SELPLG: variants seen among roughly 807,000 people sequenced by gnomAD.
SELPLG encodes selectin P ligand, also known as P-selectin glycoprotein ligand 1.
In SELPLG, 2 loss-of-function variants were observed where a neutral mutation model predicts 1.1. That is an observed-to-expected ratio of 1.82 (90% CI 0.74 to 5.71). The LOEUF (loss-of-function observed/expected upper bound fraction) is 5.71. Ranked by LOEUF, SELPLG falls within the 30% of genes most tolerant of loss-of-function variation. The probability of loss-of-function intolerance (pLI) is 0.05; values close to 1 mark genes in which losing one functional copy is unlikely to be tolerated. For missense variants in SELPLG, 478 were observed against 524.7 expected, an observed-to-expected ratio of 0.91 and a Z score of 0.87; for synonymous variants, 230 against 221.2, an observed-to-expected ratio of 1.04 and a Z score of -0.35.
Position 108,622,948 on chromosome 12 carries a change from G to T in SELPLG, c.*121C>A. On this transcript the variant is annotated 3_prime_UTR_variant, in exon 2 of 2. Transcript: ENST00000550948. ...GGGTGGCCAGAGTTCCTTCCCTGAAGATCCCCATCCCCAGGGGTCTCCGAG... is the reference window on the plus strand; with the variant it reads ...GGGTGGCCAGAGTTCCTTCCCTGAATATCCCCATCCCCAGGGGTCTCCGAG... 9.2e-7 allele frequency: 1 copy of T among 1,086,300 alleles called. No homozygotes were observed. The highest frequency in any genetic ancestry group is 1.3e-6 in the Non-Finnish European group (1 of 794,264). 67.3% of individuals were successfully genotyped at this position (1,086,300 alleles called of 1,614,324 possible).
Position 108,623,828 on chromosome 12 carries a change from C to G in SELPLG, c.480G>C (p.Glu160Asp), listed in dbSNP as rs1247082527. 4 of 1,585,942 alleles carry G rather than the reference C, an allele frequency of 2.5e-6. No homozygotes were observed. In the African/African-American group the frequency reaches 5.4e-5, roughly 21 times the overall value. ...EAQTTRLTAT[E>D]AQTTPLAATE... ...TGGCTGCCAGTGGAGTGGTCTGTGC[C>G]TCCGTGGCCGTCAGTCGAGTTGTCT... The change falls in exon 2 of 2, where the codon GAG becomes GAC. Residue 160 changes from glutamate to aspartate, a missense_variant. By Grantham distance (45) the Glu-to-Asp change is conservative (BLOSUM62 2). Transcript: ENST00000550948.
chr12:108,633,512 GA>G (rs1339262398), intron 1 of SELPLG, among the ~76,000 whole-genome samples: 2 of 151,190 alleles, frequency 1.3e-5, no homozygotes, highest in African/African-American at 2.4e-5. Flanking sequence ...AAAAAAGAAG[GA>G]AAAAAAAAGT....
At chr12:108,630,367 G>A (rs541746468) in intron 1 of SELPLG, among the ~76,000 whole-genome samples, 13 of 152,346 alleles carry the variant, frequency 8.5e-5, no homozygotes, top group South Asian at 2.1e-4. Flanking sequence ...GCTCCACGCC[G>A]CTAGGAACCT....
In SELPLG at chr12:108,623,696, A is replaced by G. The variant is rs761367170; in HGVS notation, c.612T>C (p.Thr204=). 3.8e-6 allele frequency: 6 copies of G among 1,583,336 alleles called. 1 individual carries two copies. In the Middle Eastern group the frequency reaches 5.0e-4, roughly 132 times the overall value. ...TAPAAMEAQT[T]APAAMEAQTT... ...TCTGTGCTTCCATGGCTGCTGGTGC[A>G]GTGGTCTGTGCCTCCATGGCTGCTG... Residue 204 remains threonine, a synonymous_variant, in exon 2 of 2, where the codon ACT becomes ACC. Transcript: ENST00000550948.
rs2136761167 is a variant in SELPLG, at chr12:108,623,750, G to T, written c.558C>A (p.Pro186=). 6.2e-7 allele frequency: 1 copy of T among 1,609,220 alleles called. No individual in the cohort carries two copies. The highest frequency in any genetic ancestry group is 8.5e-7 in the Non-Finnish European group (1 of 1,178,960). The part of the protein sequence containing the change: ...PAATEAQTTQ[P]TGLEAQTTAP... ...CAGTGGTCTGTGCCTCCAGGCCTGTGGGTTGAGTGGTCTGTGCTTCCGTGG... is the reference window on the plus strand; with the variant it reads ...CAGTGGTCTGTGCCTCCAGGCCTGTTGGTTGAGTGGTCTGTGCTTCCGTGG... Residue 186 remains proline (P), a synonymous_variant, in exon 2 of 2, where the codon CCC becomes CCA. Coordinates refer to ENST00000550948, the MANE Select transcript of SELPLG (RefSeq NM_003006.4).
rs762476163 is a variant in SELPLG at position 108,624,185 on chromosome 12, TCTCCG to T, written c.118_122del (p.Arg40ThrfsTer6). The T allele has an allele frequency of 1.2e-5, 20 of 1,614,082 alleles. No homozygotes were observed. Among genetic ancestry groups the T allele is most frequent in the Non-Finnish European group, 1.7e-5 (20 of 1,180,036 alleles). ...CTAGGTACTCATATTCGGTGGCCTG[TCTCCG>T]GTCCCGGGCAAGCAGGGGACCCAAG... On this transcript the variant is annotated frameshift_variant, in exon 2 of 2. Transcript: ENST00000550948. LOFTEE classifies it low-confidence loss of function (END_TRUNC).
chr12:108,632,884 T>C (rs1453378926), intron 1 of SELPLG, among the ~76,000 whole-genome samples: 1 of 152,168 alleles, frequency 6.6e-6, no homozygotes, highest in East Asian at 1.9e-4. Flanking sequence ...ATTCTAATAT[T>C]TTAATAGTTT....
At position 108,623,454 on chromosome 12, in the gene SELPLG, G is replaced by A. The variant is rs1251755360; in HGVS notation, c.854C>T (p.Pro285Leu). Residue 285 changes from proline to leucine, a missense_variant, in exon 2 of 2, where the codon CCC becomes CTC. Coordinates refer to ENST00000550948, the MANE Select transcript of SELPLG (RefSeq NM_003006.4). ...EPTTKRGLFI[P>L]FSVSSVTHKG... ...GTGAGTAACAGAGGACACAGAAAAG[G>A]GTATGAACAGACCTCTTTTGGTAGT... The A allele has an allele frequency of 1.9e-6, 3 of 1,614,110 alleles. No homozygotes were observed. The African/African-American group carries it at 4.0e-5, about 22-fold the overall frequency.
Position 108,623,956 on chromosome 12 carries a change from C to A in SELPLG, c.352G>T (p.Ala118Ser). The change falls in exon 2 of 2, where the codon GCT becomes TCT. Residue 118 changes from alanine (A) to serine (S), a missense_variant. Ala to Ser is a moderately conservative substitution (Grantham distance 99, BLOSUM62 1). Coordinates refer to ENST00000550948, the MANE Select transcript of SELPLG (RefSeq NM_003006.4). ...GGTTGAGTGGTCTGTATCTCCATAG[C>A]TGCTGAATCCGTGGACAGGTTCCCC... ...NMGNLSTDSA[A>S]MEIQTTQPAA... 1 of 1,614,182 alleles carries A rather than the reference C, an allele frequency of 6.2e-7. No individual in the cohort carries two copies. Among genetic ancestry groups the A allele is most frequent in the Non-Finnish European group, 8.5e-7 (1 of 1,180,038 alleles).
chr12:108,624,226 C>A lies in SELPLG; in HGVS notation c.82G>T (p.Ala28Ser). 6.2e-7 allele frequency: 1 copy of A among 1,614,232 alleles called. No individual in the cohort carries two copies. Among genetic ancestry groups the A allele is most frequent in the Non-Finnish European group, 8.5e-7 (1 of 1,180,040 alleles). ...LQLWDTWADE[A>S]EKALGPLLAR... Reference sequence around the variant, plus strand: ...AGCAGGGGACCCAAGGCTTTCTCGGCTTCATCTGCCCAGGTGTCCCACAGC... The same window carrying A: ...AGCAGGGGACCCAAGGCTTTCTCGGATTCATCTGCCCAGGTGTCCCACAGC... Residue 28 changes from alanine (A) to serine (S), a missense_variant, in exon 2 of 2, where the codon GCC becomes TCC. Transcript: ENST00000550948.
In SELPLG at chr12:108,623,017, C is replaced by A; in HGVS notation, c.*52G>T. 6.9e-7 allele frequency: 1 copy of A among 1,448,670 alleles called. No homozygotes were observed. 89.7% of individuals were successfully genotyped at this position (1,448,670 alleles called of 1,614,324 possible). A position where few individuals can be genotyped will look rare whatever the true frequency, so the allele number is the denominator to read the frequency against. Reference sequence around the variant, plus strand: ...ATGGGGTCTGGGCACTCAGGGGTGGCCCAGGAGAGCCCGTGGAGGTGGGGT... The same window carrying A: ...ATGGGGTCTGGGCACTCAGGGGTGGACCAGGAGAGCCCGTGGAGGTGGGGT... On this transcript the variant is annotated 3_prime_UTR_variant, in exon 2 of 2. Coordinates refer to ENST00000550948, the MANE Select transcript of SELPLG (RefSeq NM_003006.4).
intron 1 of SELPLG, among the ~76,000 whole-genome samples, chr12:108,631,240 T>C (rs1407047745): frequency 6.6e-6 from 1 of 152,208 alleles, no homozygotes; most frequent in Non-Finnish European, 1.5e-5. Context: ...TTCCCACTTA[T>C]CATCGCCCTT....
chr12:108,623,324 C>T lies in SELPLG; in HGVS notation c.984G>A (p.Ala328=), dbSNP rs369977851. 13 of 1,614,078 alleles carry T rather than the reference C, an allele frequency of 8.1e-6. No homozygotes were observed. The East Asian group carries it at 1.1e-4, about 14-fold the overall frequency. ...ACACGAAGAAGATAGTGGCCACCAG[C>T]GCCAAGATTAGGATGGCCAGCAGGC... ...KQCLLAILIL[A]LVATIFFVCT... is the part of the protein sequence containing the mutation. Residue 328 remains alanine, a synonymous_variant, in exon 2 of 2, where the codon GCG becomes GCA. Transcript: ENST00000550948.
intron 1 of SELPLG, among the ~76,000 whole-genome samples, chr12:108,631,606 G>A (rs897847144): frequency 2.0e-5 from 3 of 152,056 alleles, no homozygotes; most frequent in Admixed American, 1.3e-4. Context: ...ATGTTTGGTG[G>A]CTTGCAAACC....
intron 1 of SELPLG, among the ~76,000 whole-genome samples, chr12:108,625,289 T>C (rs945047212): frequency 1.3e-5 from 2 of 152,100 alleles, no homozygotes; most frequent in Non-Finnish European, 2.9e-5. Context: ...GTCCTCAGAG[T>C]CTCAGTTTGT....
intron 1 of SELPLG, among the ~76,000 whole-genome samples, chr12:108,630,811 CTG>C (rs1335960925): frequency 2.0e-5 from 3 of 152,254 alleles, no homozygotes; most frequent in Non-Finnish European, 4.4e-5. Context: ...TAAATCATTT[CTG>C]CTGTTCATTT....
At chr12:108,627,685 C>T (rs1432936184) in intron 1 of SELPLG, among the ~76,000 whole-genome samples, 1 of 152,202 alleles carries the variant, frequency 6.6e-6, no homozygotes, top group African/African-American at 2.4e-5. Flanking sequence ...TGCCTGTAAT[C>T]CCAGGACTTT....
At chr12:108,633,467 C>T (rs1370763874) in intron 1 of SELPLG, among the ~76,000 whole-genome samples, 2 of 152,118 alleles carry the variant, frequency 1.3e-5, no homozygotes, top group Non-Finnish European at 2.9e-5. Context: ...TGCCACTGCA[C>T]TCCAGCCTGG....
chr12:108,632,263 C>T (rs555850085), intron 1 of SELPLG, among the ~76,000 whole-genome samples: 7 of 152,160 alleles, frequency 4.6e-5, no homozygotes, highest in African/African-American at 7.2e-5. Context: ...CTTCTGAGGC[C>T]CCGGCCCACT....
Sources: allele counts gnomAD v4.1 joint callset (sites outside exome capture counted in the v4.1 genomes callset), GRCh38; gene constraint gnomAD v4.1.1; transcripts MANE v1.5; gene names NCBI Gene and HGNC (gene_info 2026-07-23, HGNC 2026-07-21).